NRAP: variants seen among roughly 807,000 people sequenced by gnomAD.
NRAP encodes the protein nebulin-related-anchoring protein.
NRAP carries 189 observed loss-of-function variants against 225.9 expected under a neutral mutation model. The ratio of observed to expected loss-of-function variants is 0.84; its 90% CI spans 0.74 to 0.94. NRAP has a LOEUF of 0.94. NRAP is among the 40% of genes least tolerant of loss of function. The pLI, the probability that NRAP is intolerant of heterozygous loss-of-function variation, is 0.00. For synonymous variants in NRAP, 769 were observed against 790.7 expected (o/e 0.97, Z 0.46); for missense variants, 2,176 against 2,168.7 (o/e 1.00, Z -0.07).
chr10:113,615,951 C>T, intron 26 of NRAP, 135 bp from the exon 27 acceptor site: 1 of 654,470 alleles, frequency 1.5e-6, no homozygotes, highest in South Asian at 1.7e-5. Context: ...ACCCTGCCTC[C>T]ACCCAGATTT....
chr10:113,589,016 C>T lies in NRAP; in HGVS notation c.5152G>A (p.Glu1718Lys). 6.2e-7 allele frequency: 1 copy of T among 1,614,098 alleles called. No homozygotes were observed. Among genetic ancestry groups the T allele is most frequent in the Non-Finnish European group, 8.5e-7 (1 of 1,179,994 alleles). Residue 1718 changes from glutamate (E) to lysine (K), a missense_variant, in exon 42 of 42, where the codon GAG becomes AAG. By Grantham distance (56) the Glu-to-Lys change is moderately conservative. This residue lies in a region of NRAP where 445 missense variants were observed against 426.1 expected (regional missense o/e 1.04). Coordinates refer to ENST00000359988, the MANE Select transcript of NRAP (RefSeq NM_198060.4). ...QSGEVNPDAT[E>K]ILHVKKKKAL... The stretch of plus-strand genomic sequence containing the variant: ...TTCTTCTTTTTGACGTGCAGAATCT[C>T]AGTGGCATCTGGGTTCACCTCCCCA...
chr10:113,650,848 C>T lies in NRAP; in HGVS notation c.676-303G>A, dbSNP rs1452053653. Among the ~76,000 whole-genome samples the T allele has an allele frequency of 5.3e-5, 8 of 152,194 alleles. 1 individual carries two copies. The highest frequency in any genetic ancestry group is 1.9e-4 in the African/African-American group (8 of 41,458). Reference sequence around the variant, plus strand: ...AAGTCCTCAGCCCTCAAGGAGTTGTCAGCCATTTTTGGGAGACACAAGAGT... The same window carrying T: ...AAGTCCTCAGCCCTCAAGGAGTTGTTAGCCATTTTTGGGAGACACAAGAGT... On this transcript the variant is annotated intron_variant, in intron 7 of 41. Transcript: ENST00000359988.
chr10:113,648,459 C>A (rs1215876958), intron 9 of NRAP, among the ~76,000 whole-genome samples: 4 of 126,908 alleles, frequency 3.2e-5, no homozygotes, highest in African/African-American at 6.0e-5. Flanking sequence ...CTCTCTCTCT[C>A]TCTCTCTCTA....
rs557364864 is a variant in NRAP at position 113,617,443 on chromosome 10, A to G, written c.2973+12T>C. 4 of 1,462,758 alleles carry G rather than the reference A, an allele frequency of 2.7e-6. No individual in the cohort carries two copies. In the South Asian group the frequency reaches 3.4e-5, roughly 12 times the overall value. The allele number at this position is 1,462,758 out of a possible 1,614,324, so 90.6% of individuals were successfully genotyped here. ...ACTCTTAGAGTCATAATGTATATAC[A>G]TTATCACTTACATCCACTGCTTGGG... On this transcript the variant is annotated intron_variant, in intron 26 of 41. Transcript: ENST00000359988.
At chr10:113,608,970 C>T (rs1380038392) in intron 31 of NRAP, among the ~76,000 whole-genome samples, 2 of 152,118 alleles carry the variant, frequency 1.3e-5, no homozygotes, top group Admixed American at 6.5e-5. Context: ...ACCATCCAGG[C>T]CAACATGGCG....
intron 4 of NRAP, among the ~76,000 whole-genome samples, chr10:113,654,657 A>C (rs2134183373): frequency 6.6e-6 from 1 of 152,336 alleles, no homozygotes; most frequent in East Asian, 1.9e-4. Context: ...GTACAATAAG[A>C]ATCTTTAAAA....
chr10:113,647,032 C>T lies in NRAP; in HGVS notation c.889-5G>A, dbSNP rs747533869. The T allele has an allele frequency of 4.9e-5, 78 of 1,606,690 alleles. No homozygotes were observed. The highest frequency in any genetic ancestry group is 5.9e-5 in the Non-Finnish European group (69 of 1,173,308). On this transcript the variant is annotated splice_polypyrimidine_tract_variant and splice_region_variant and intron_variant, in intron 9 of 41. Transcript: ENST00000359988. ...CTCATACTCCTCCGGGTAACCCTGCCGGGTGCATCAAAAACTTCAGTGAGT... is the reference window on the plus strand; with the variant it reads ...CTCATACTCCTCCGGGTAACCCTGCTGGGTGCATCAAAAACTTCAGTGAGT...
intron 7 of NRAP, among the ~76,000 whole-genome samples, chr10:113,651,290 C>A (rs1323671557): frequency 1.3e-5 from 2 of 152,200 alleles, no homozygotes; most frequent in Admixed American, 6.5e-5. Flanking sequence ...ATCTTAAGTG[C>A]AAACCACTAC....
At chr10:113,652,146 A>G (rs1850015241) in intron 6 of NRAP, among the ~76,000 whole-genome samples, 1 of 144,298 alleles carries the variant, frequency 6.9e-6, no homozygotes. Context: ...AATCTCCATA[A>G]CAATCATATT....
At chr10:113,589,228 A>C in intron 41 of NRAP, 149 bp from the exon 42 acceptor site, 1 of 626,076 alleles carries the variant, frequency 1.6e-6, no homozygotes, top group South Asian at 2.1e-5. Context: ...CCTCCCCAAG[A>C]AAAAGGGCCT....
intron 35 of NRAP, among the ~76,000 whole-genome samples, chr10:113,598,967 T>C (rs1022721791): frequency 1.3e-5 from 2 of 152,244 alleles, no homozygotes; most frequent in Non-Finnish European, 2.9e-5. Context: ...TATTCCTTGA[T>C]CTGCCCACCA....
chr10:113,604,279 G>A (rs894075301), intron 35 of NRAP, among the ~76,000 whole-genome samples: 2 of 152,074 alleles, frequency 1.3e-5, no homozygotes, highest in African/African-American at 4.8e-5. Flanking sequence ...ACCATGCCTG[G>A]CTAATTTTTG....
intron 23 of NRAP, 31 bp downstream of exon 23, chr10:113,623,498 G>C (rs142470481): frequency 7.1e-7 from 1 of 1,415,866 alleles, no homozygotes; most frequent in East Asian, 2.3e-5. Context: ...AGGATTCTGC[G>C]GTCTCTTGTA....
chr10:113,648,467 C>CTCTCTCTA (rs749486311), intron 9 of NRAP, among the ~76,000 whole-genome samples: 1,955 of 87,202 alleles, frequency 0.022, 30 homozygotes, highest in Non-Finnish European at 0.028. Flanking sequence ...CTCTCTCTCT[C>CTCTCTCTA]TATATATATA....
rs780378717 is a variant in NRAP, at chr10:113,654,034, T to A, written c.452A>T (p.Lys151Met). The change falls in exon 5 of 42, where the codon AAG becomes ATG. Residue 151 changes from lysine to methionine, a missense_variant. Physicochemically the swap from Lys to Met is moderately conservative, Grantham distance 95. Around this residue, in one of 3 missense-constraint regions of NRAP, gnomAD observed 1,708 missense variants for 1,695.5 expected, o/e 1.01. Coordinates refer to ENST00000359988, the MANE Select transcript of NRAP (RefSeq NM_198060.4). ...PEIVRMVEAR[K>M]SLGEEYTEDY... is the part of the protein sequence containing the mutation. ...TAGGGTGCTTACCTCACCAAGAGAC[T>A]TTCGAGCCTCAACCATCCTTACAAT... 1.9e-6 allele frequency: 3 copies of A among 1,611,764 alleles called. No individual in the cohort carries two copies. The East Asian group carries it at 6.7e-5, about 36-fold the overall frequency.
At chr10:113,643,806 A>G (rs959682338) in intron 11 of NRAP, among the ~76,000 whole-genome samples, 2 of 152,188 alleles carry the variant, frequency 1.3e-5, no homozygotes, top group African/African-American at 4.8e-5. Context: ...CAAAGGAAAT[A>G]CCCCACAGTT....
At chr10:113,633,273 C>G (rs1318759992) in intron 15 of NRAP, 85 bp from the exon 16 acceptor site, 2 of 762,150 alleles carry the variant, frequency 2.6e-6, no homozygotes, top group Non-Finnish European at 4.6e-6. Flanking sequence ...CCCCTTAGAC[C>G]CATAGTTGAG....
chr10:113,658,325 T>C (rs1850438907), intron 3 of NRAP, among the ~76,000 whole-genome samples: 1 of 152,206 alleles, frequency 6.6e-6, no homozygotes, highest in African/African-American at 2.4e-5. Context: ...TTCTTGGCTA[T>C]TTTAGAAGCT....
rs1376604570 is a variant in NRAP, at chr10:113,623,617, C to A, written c.2369G>T (p.Trp790Leu). ...AAACCCTTTTGCTTTCTGGTTTTCC[C>A]AGCTGCTCTTATACAGTTTCTAAGG... is the stretch of plus-strand genomic sequence containing the variant. ...NLSEKLYKSS[W>L]ENQKAKGFEL... The change falls in exon 23 of 42, where the codon TGG becomes TTG. Residue 790 changes from tryptophan to leucine, a missense_variant. Trp to Leu is a moderately conservative substitution (Grantham distance 61). Coordinates refer to ENST00000359988, the MANE Select transcript of NRAP (RefSeq NM_198060.4). The A allele has an allele frequency of 6.2e-7, 1 of 1,613,778 alleles. No homozygotes were observed. Among genetic ancestry groups the A allele is most frequent in the Admixed American group, 1.7e-5 (1 of 60,010 alleles).
Sources: allele counts gnomAD v4.1 joint callset (sites outside exome capture counted in the v4.1 genomes callset), GRCh38; gene constraint gnomAD v4.1.1; regional missense constraint gnomAD v4.1.1; transcripts MANE v1.5; gene names NCBI Gene and HGNC (gene_info 2026-07-23, HGNC 2026-07-21).